The following OSBPL8 variants were observed in gnomAD, a reference collection of about 807,000 sequenced individuals.
The protein encoded by OSBPL8 is oxysterol-binding protein-related protein 8.
In OSBPL8, 59 loss-of-function variants were observed where a neutral mutation model predicts 125.5. That is an observed-to-expected ratio of 0.47 (90% confidence interval 0.38 to 0.58). The LOEUF (loss-of-function observed/expected upper bound fraction) is 0.58. Ranked by LOEUF, OSBPL8 falls within the 20% of genes least tolerant of loss-of-function variation. The probability of loss-of-function intolerance (pLI) is 0.00; values close to 1 mark genes in which losing one functional copy is unlikely to be tolerated. For missense variants in OSBPL8, 758 were observed against 1,047.8 expected (o/e 0.72, Z 3.82); for synonymous variants, 330 against 338.9 (o/e 0.97, Z 0.29).
At chr12:76,419,701 A>C (rs1025747883) in intron 4 of OSBPL8, among the ~76,000 whole-genome samples, 1 of 152,252 alleles carries the variant, frequency 6.6e-6, no homozygotes, top group Admixed American at 6.5e-5. Flanking sequence ...GCAAATAAAA[A>C]AGAATTTCCT....
chr12:76,354,365 AAGC>A lies in OSBPL8; in HGVS notation c.*1521_*1523del, dbSNP rs1384180970. The A allele has an allele frequency of 6.6e-6, 1 of 151,916 alleles. No homozygotes were observed. The highest frequency in any genetic ancestry group is 2.4e-5 in the African/African-American group (1 of 41,434). 9.4% of individuals were successfully genotyped at this position (151,916 alleles called of 1,614,324 possible). On this transcript the variant is annotated 3_prime_UTR_variant, in exon 24 of 24. Coordinates refer to ENST00000261183, the MANE Select transcript of OSBPL8 (RefSeq NM_020841.5). The stretch of plus-strand genomic sequence containing the variant: ...AGATAGCTATATTGGTTAGGGAAAA[AAGC>A]AGGCTCTTTTTATCATTTTGATTCT...
At chr12:76,418,126 C>T (rs961452687) in intron 4 of OSBPL8, among the ~76,000 whole-genome samples, 1 of 149,956 alleles carries the variant, frequency 6.7e-6, no homozygotes, top group Admixed American at 6.8e-5. Flanking sequence ...AGCAATTAGC[C>T]TCCCGAGTAG....
intron 2 of OSBPL8, among the ~76,000 whole-genome samples, chr12:76,473,906 G>C (rs760862239): frequency 2.6e-5 from 4 of 152,100 alleles, no homozygotes; most frequent in Non-Finnish European, 5.9e-5. Flanking sequence ...ATCTCATAGG[G>C]TTATTTTAAA....
At chr12:76,472,479 CG>C (rs1209021642) in intron 2 of OSBPL8, among the ~76,000 whole-genome samples, 1 of 152,170 alleles carries the variant, frequency 6.6e-6, no homozygotes, top group Non-Finnish European at 1.5e-5. Flanking sequence ...CAGCTGGGCC[CG>C]GGGGACCACT....
chr12:76,394,122 C>A (rs534551074), intron 9 of OSBPL8, among the ~76,000 whole-genome samples: 10 of 152,108 alleles, frequency 6.6e-5, no homozygotes, highest in Admixed American at 3.9e-4. Flanking sequence ...AACATGAAAG[C>A]ATGAAAGTGA....
intron 1 of OSBPL8, among the ~76,000 whole-genome samples, chr12:76,512,392 T>A (rs544673045): frequency 6.6e-6 from 1 of 152,226 alleles, no homozygotes; most frequent in South Asian, 2.1e-4. Context: ...TTAGGTTGAT[T>A]CCATATCTTT....
intron 1 of OSBPL8, among the ~76,000 whole-genome samples, chr12:76,552,310 C>CGG (rs1225027660): frequency 8.6e-5 from 13 of 151,374 alleles, no homozygotes; most frequent in Non-Finnish European, 1.9e-4. Context: ...CCTGTAGTAC[C>CGG]AGCTACTCGG....
intron 1 of OSBPL8, among the ~76,000 whole-genome samples, chr12:76,557,917 A>G (rs576765303): frequency 9.9e-4 from 151 of 152,358 alleles, no homozygotes; most frequent in African/African-American, 3.6e-3. Flanking sequence ...GATTCAATCA[A>G]AGAGAAATAA....
chr12:76,538,145 G>A (rs1050433490), intron 1 of OSBPL8, among the ~76,000 whole-genome samples: 2 of 152,020 alleles, frequency 1.3e-5, no homozygotes, highest in African/African-American at 4.8e-5. Context: ...AGAATGTAGA[G>A]GTTAAAGAAT....
At chr12:76,523,051 T>C (rs1460056342) in intron 1 of OSBPL8, among the ~76,000 whole-genome samples, 4 of 152,162 alleles carry the variant, frequency 2.6e-5, no homozygotes, top group African/African-American at 9.7e-5. Flanking sequence ...TTTCCCCAGC[T>C]AGTCCTGAAC....
intron 19 of OSBPL8, among the ~76,000 whole-genome samples, chr12:76,370,975 G>GA (rs1159764756): frequency 2.0e-5 from 3 of 152,162 alleles, no homozygotes; most frequent in African/African-American, 7.2e-5. Context: ...CTTAAGAACA[G>GA]AAATGATAGC....
At chr12:76,399,745 C>G in intron 7 of OSBPL8, 128 bp downstream of exon 7, 1 of 588,152 alleles carries the variant, frequency 1.7e-6, no homozygotes, top group Non-Finnish European at 2.8e-6. Flanking sequence ...ATAATAGTTT[C>G]TTTGCCAGTG....
At chr12:76,460,891 G>T (rs545079162) in intron 2 of OSBPL8, among the ~76,000 whole-genome samples, 62 of 152,210 alleles carry the variant, frequency 4.1e-4, no homozygotes, top group Non-Finnish European at 7.4e-4. Flanking sequence ...GATCTTAATT[G>T]GCTGTGACAA....
chr12:76,369,926 G>T (rs1952557388), intron 19 of OSBPL8, 104 bp from the exon 20 acceptor site: 4 of 1,139,708 alleles, frequency 3.5e-6, no homozygotes, highest in Non-Finnish European at 4.9e-6. Flanking sequence ...ATGCTCACAT[G>T]AATTTCTGGC....
chr12:76,375,180 G>A, intron 17 of OSBPL8, 93 bp downstream of exon 17: 7 of 804,652 alleles, frequency 8.7e-6, no homozygotes, highest in Non-Finnish European at 1.4e-5. Context: ...CTTACATTTA[G>A]TCCTTAATTA....
intron 1 of OSBPL8, among the ~76,000 whole-genome samples, chr12:76,541,901 G>C (rs1359403530): frequency 6.6e-6 from 1 of 152,100 alleles, no homozygotes; most frequent in Non-Finnish European, 1.5e-5. Flanking sequence ...GCCGGGTGCA[G>C]TGGCTCACGC....
chr12:76,516,036 G>A (rs1329490384), intron 1 of OSBPL8, among the ~76,000 whole-genome samples: 1 of 152,158 alleles, frequency 6.6e-6, no homozygotes, highest in African/African-American at 2.4e-5. Context: ...ACTGAGGTAT[G>A]CAAAGAAAAT....
chr12:76,502,311 C>T (rs576213031), intron 1 of OSBPL8, among the ~76,000 whole-genome samples: 14 of 152,300 alleles, frequency 9.2e-5, no homozygotes, highest in African/African-American at 2.4e-4. Flanking sequence ...CATAACCCTA[C>T]GCTTTGCCAG....
chr12:76,358,769 T>C lies in OSBPL8; in HGVS notation c.2371A>G (p.Lys791Glu). ...KMKHKPTRQQ[K>E]KVAKGYSSPE... is the part of the protein sequence containing the mutation. ...GAGGAATAGCCTTTTGCTACTTTCTTCTGTTGCCTGGTTGGCTTATGTTTC... is the reference window on the plus strand; with the variant it reads ...GAGGAATAGCCTTTTGCTACTTTCTCCTGTTGCCTGGTTGGCTTATGTTTC... Residue 791 changes from lysine (K) to glutamate (E), a missense_variant, in exon 22 of 24, where the codon AAG becomes GAG. Around this residue, in one of 3 missense-constraint regions of OSBPL8, gnomAD observed 572 missense variants for 762.0 expected, o/e 0.75. Transcript: ENST00000261183. 1 of 1,614,166 alleles carries C rather than the reference T, an allele frequency of 6.2e-7. No homozygotes were observed. The highest frequency in any genetic ancestry group is 2.2e-5 in the East Asian group (1 of 44,862).
Sources: gnomAD v4.1 joint callset for allele counts (sites outside exome capture counted in the v4.1 genomes callset) on GRCh38, gnomAD v4.1.1 for gene constraint, gnomAD v4.1.1 regional missense constraint, MANE v1.5 for transcripts, NCBI Gene and HGNC (gene_info 2026-07-23, HGNC 2026-07-21) for gene names.